HAL: variants seen among roughly 807,000 people sequenced by gnomAD.
HAL encodes histidine ammonia-lyase, also known as histidase.
HAL carries 85 observed loss-of-function variants against 81.1 expected under a neutral mutation model. That is an observed-to-expected ratio of 1.05 (90% CI 0.88 to 1.25). The LOEUF is 1.25. HAL is among the 50% of genes most tolerant of loss of function. HAL has a pLI of 0.00. For missense variants in HAL, 798 were observed against 836.6 expected (o/e 0.95, Z 0.57); for synonymous variants, 301 against 309.2 (o/e 0.97, Z 0.28).
chr12:95,992,553 C>T (rs1949984048), intron 9 of HAL, 127 bp downstream of exon 9: 2 of 856,840 alleles, frequency 2.3e-6, no homozygotes, highest in Non-Finnish European at 3.8e-6. Flanking sequence ...TTGCCAACGG[C>T]ATTTCCCACT....
chr12:95,978,085 G>GT lies in HAL; in HGVS notation c.1520-8_1520-7insA. The stretch of plus-strand genomic sequence containing the variant: ...AGAGCCTTGTTCTCAGAAACTGCAA[G>GT]AGACCAGTGCCAGTTAAGAAGTGCT... On this transcript the variant is annotated splice_polypyrimidine_tract_variant and splice_region_variant and intron_variant, in intron 17 of 20. Transcript: ENST00000261208. 6.2e-7 allele frequency: 1 copy of GT among 1,613,012 alleles called. No individual in the cohort carries two copies. Among genetic ancestry groups the GT allele is most frequent in the Non-Finnish European group, 8.5e-7 (1 of 1,179,010 alleles).
intron 10 of HAL, among the ~76,000 whole-genome samples, chr12:95,988,838 TAG>T (rs1439362776): frequency 6.6e-6 from 1 of 151,978 alleles, no homozygotes; most frequent in East Asian, 1.9e-4. Flanking sequence ...AGAAAAGAAG[TAG>T]AGAGTCATTA....
intron 9 of HAL, among the ~76,000 whole-genome samples, chr12:95,990,984 C>A (rs1330952691): frequency 6.6e-6 from 1 of 152,158 alleles, no homozygotes; most frequent in Non-Finnish European, 1.5e-5. Flanking sequence ...GTGGTGCATG[C>A]CTGTAGTCCC....
chr12:95,981,704 C>T (rs1168544814), intron 15 of HAL, among the ~76,000 whole-genome samples: 3 of 152,214 alleles, frequency 2.0e-5, no homozygotes, highest in African/African-American at 7.2e-5. Flanking sequence ...AAGTGATCAG[C>T]CCACCTTGGC....
rs566555326 is a variant in HAL, at chr12:95,992,871, C to G, written c.590-66G>C. The G allele has an allele frequency of 1.7e-5, 24 of 1,415,932 alleles. 1 individual carries two copies. In the African/African-American group the frequency reaches 2.1e-4, roughly 13 times the overall value. 87.7% of individuals were successfully genotyped at this position (1,415,932 alleles called of 1,614,324 possible). ...TCCTTTTTGTCTCCTGACAATTGCCCTCCCTCCCTCCAATCTTTCCCATAT... is the reference window on the plus strand; with the variant it reads ...TCCTTTTTGTCTCCTGACAATTGCCGTCCCTCCCTCCAATCTTTCCCATAT... On this transcript the variant is annotated intron_variant, in intron 8 of 20. Coordinates refer to ENST00000261208, the MANE Select transcript of HAL (RefSeq NM_002108.4).
At chr12:95,982,605 C>T (rs537724982) in intron 15 of HAL, among the ~76,000 whole-genome samples, 3 of 152,116 alleles carry the variant, frequency 2.0e-5, no homozygotes, top group South Asian at 4.2e-4. Context: ...ATTTCTGAGG[C>T]TTATTTAGTG....
intron 19 of HAL, 27 bp from the exon 20 acceptor site, chr12:95,976,525 A>C (rs1467824212): frequency 6.2e-7 from 1 of 1,611,664 alleles, no homozygotes; most frequent in South Asian, 1.1e-5. Context: ...TCCGCCCATC[A>C]GCCAAACATG....
intron 11 of HAL, among the ~76,000 whole-genome samples, chr12:95,987,677 C>T (rs1207830774): frequency 6.6e-6 from 1 of 152,140 alleles, no homozygotes; most frequent in Admixed American, 6.5e-5. Context: ...TTTTAAGTTC[C>T]TAAGAGACCC....
chr12:95,994,267 T>C lies in HAL; in HGVS notation c.337-103A>G, dbSNP rs900968170. ...CCAAACTGACATTTCAGAGATCTGATCATTGCGTGAAACATGAATATGCTA... is the reference window on the plus strand; with the variant it reads ...CCAAACTGACATTTCAGAGATCTGACCATTGCGTGAAACATGAATATGCTA... On this transcript the variant is annotated intron_variant, in intron 4 of 20. Coordinates refer to ENST00000261208, the MANE Select transcript of HAL (RefSeq NM_002108.4). 4 of 823,524 alleles carry C rather than the reference T, an allele frequency of 4.9e-6. No individual in the cohort carries two copies. The African/African-American group carries it at 6.7e-5, about 14-fold the overall frequency. The allele number at this position is 823,524 out of a possible 1,614,324, so 51.0% of individuals were successfully genotyped here. A position where few individuals can be genotyped will look rare whatever the true frequency, so the allele number is the denominator to read the frequency against.
chr12:95,990,497 C>A lies in HAL; in HGVS notation c.751G>T (p.Val251Phe). ...CLPYVPEKGT[V>F]GASGDLAPLS... The stretch of plus-strand genomic sequence containing the variant: ...GGGGCAAGGTCTCCACTGGCACCAA[C>A]GGTTCCTTTCTCTGGGACATAGGGC... The change falls in exon 10 of 21, where the codon GTT becomes TTT. Residue 251 changes from valine (V) to phenylalanine (F), a missense_variant. Val to Phe is a conservative substitution (Grantham distance 50). Coordinates refer to ENST00000261208, the MANE Select transcript of HAL (RefSeq NM_002108.4). 1 of 1,613,246 alleles carries A rather than the reference C, an allele frequency of 6.2e-7. No homozygotes were observed. The highest frequency in any genetic ancestry group is 1.7e-4 in the Middle Eastern group (1 of 6,060).
intron 17 of HAL, among the ~76,000 whole-genome samples, chr12:95,978,283 G>A (rs1304123761): frequency 6.6e-6 from 1 of 152,126 alleles, no homozygotes; most frequent in Non-Finnish European, 1.5e-5. Context: ...TAAAGCAATA[G>A]TGAGTTCTGA....
Position 95,993,341 on chromosome 12 carries a change from C to T in HAL, c.589+110G>A, listed in dbSNP as rs901948071. On this transcript the variant is annotated intron_variant, in intron 8 of 20. Transcript: ENST00000261208. ...ACCTCGGCACCTAGTTCTTGAAATGCTGTTTTGAGAAACTAGCTTTTTGTG... is the reference window on the plus strand; with the variant it reads ...ACCTCGGCACCTAGTTCTTGAAATGTTGTTTTGAGAAACTAGCTTTTTGTG... 15 of 807,290 alleles carry T rather than the reference C, an allele frequency of 1.9e-5. No homozygotes were observed. The Admixed American group carries it at 2.6e-4, about 14-fold the overall frequency. The allele number at this position is 807,290 out of a possible 1,614,324, so 50.0% of individuals were successfully genotyped here. A position where few individuals can be genotyped will look rare whatever the true frequency, so the allele number is the denominator to read the frequency against.
chr12:95,992,401 G>A (rs944980613), intron 9 of HAL, among the ~76,000 whole-genome samples: 4 of 152,218 alleles, frequency 2.6e-5, no homozygotes, highest in South Asian at 2.1e-4. Context: ...AGGCTTGAAT[G>A]TAAGGGCAGA....
At chr12:95,984,918 G>A (rs533067361) in intron 14 of HAL, among the ~76,000 whole-genome samples, 1 of 152,134 alleles carries the variant, frequency 6.6e-6, no homozygotes, top group Non-Finnish European at 1.5e-5. Flanking sequence ...ATTCTAGGGA[G>A]GACTCTCTAT....
intron 11 of HAL, 119 bp downstream of exon 11, chr12:95,988,073 GA>G (rs1213018176): frequency 1.4e-6 from 1 of 727,418 alleles, no homozygotes. Context: ...CTTCAGGGAT[GA>G]ACTTTAAGCA....
intron 2 of HAL, 77 bp downstream of exon 2, chr12:95,995,587 A>G: frequency 6.3e-7 from 1 of 1,586,990 alleles, no homozygotes; most frequent in Non-Finnish European, 8.6e-7. Flanking sequence ...ATTTTCCCTG[A>G]GGTGGGGGTT....
At position 95,987,220 on chromosome 12, in the gene HAL, G is replaced by A. The variant is rs780538121; in HGVS notation, c.904-6C>T. The stretch of plus-strand genomic sequence containing the variant: ...CCATTGATGAGTGCCAGGCCCTGTC[G>A]GGGGAGAGAGCAAAGTTTCCTACTG... On this transcript the variant is annotated splice_region_variant and splice_polypyrimidine_tract_variant and intron_variant, in intron 11 of 20. Coordinates refer to ENST00000261208, the MANE Select transcript of HAL (RefSeq NM_002108.4). The A allele has an allele frequency of 3.0e-5, 48 of 1,612,310 alleles. No homozygotes were observed. The highest frequency in any genetic ancestry group is 3.6e-5 in the Non-Finnish European group (42 of 1,178,530).
chr12:95,994,132 C>T lies in HAL; in HGVS notation c.369G>A (p.Thr123=), dbSNP rs372769924. Residue 123 remains threonine, a synonymous_variant, in exon 5 of 21, where the codon ACG becomes ACA. Transcript: ENST00000261208. The part of the protein sequence containing the change: ...YIELDGDRLT[T]EDLVNLGKGR... ...CCTTTCCCAAGTTGACCAGATCCTCCGTGGTCAGACGGTCTCCATCTAACT... is the reference window on the plus strand; with the variant it reads ...CCTTTCCCAAGTTGACCAGATCCTCTGTGGTCAGACGGTCTCCATCTAACT... The T allele has an allele frequency of 5.5e-5, 89 of 1,613,196 alleles. No individual in the cohort carries two copies. The highest frequency in any genetic ancestry group is 1.6e-4 in the Middle Eastern group (1 of 6,084).
rs1331697524 is a variant in HAL, at chr12:95,980,706, C to G, written c.1369G>C (p.Ala457Pro). Reference sequence around the variant, plus strand: ...GCAGCAAGTTCATGGATGCCAATGGCCAAGTAGTCTAGGGCCTGAAAGAGG... The same window carrying G: ...GCAGCAAGTTCATGGATGCCAATGGGCAAGTAGTCTAGGGCCTGAAAGAGG... ...EYPAKALDYLAIGIHELAAIS... is the reference protein window; with the variant it reads ...EYPAKALDYLPIGIHELAAIS... The change falls in exon 17 of 21, where the codon GCC becomes CCC. Residue 457 changes from alanine to proline, a missense_variant. Ala to Pro is a conservative substitution (Grantham distance 27). Transcript: ENST00000261208. 6.2e-7 allele frequency: 1 copy of G among 1,613,880 alleles called. No homozygotes were observed. Among genetic ancestry groups the G allele is most frequent in the Non-Finnish European group, 8.5e-7 (1 of 1,179,894 alleles).
Sources: gnomAD v4.1 joint callset for allele counts (sites outside exome capture counted in the v4.1 genomes callset) on GRCh38, gnomAD v4.1.1 for gene constraint, MANE v1.5 for transcripts, NCBI Gene and HGNC (gene_info 2026-07-23, HGNC 2026-07-21) for gene names.